The following MAN1A2 variants were observed in gnomAD, a reference collection of about 807,000 sequenced individuals.
The protein encoded by MAN1A2 is mannosidase alpha class 1A member 2, also known as mannosyl-oligosaccharide 1,2-alpha-mannosidase IB.
MAN1A2 carries 26 observed loss-of-function variants against 75.7 expected under a neutral mutation model. The ratio of observed to expected loss-of-function variants is 0.34; its 90% confidence interval spans 0.25 to 0.48. The LOEUF is 0.48. MAN1A2 is among the 20% of genes least tolerant of loss of function. The pLI, the probability that MAN1A2 is intolerant of heterozygous loss-of-function variation, is 0.99. For missense variants in MAN1A2, 562 were observed against 775.5 expected (o/e 0.72, Z 3.27); for synonymous variants, 247 against 264.6 (o/e 0.93, Z 0.65).
chr1:117,429,575 G>A (rs1284023874), intron 5 of MAN1A2, among the ~76,000 whole-genome samples: 5 of 86,280 alleles, frequency 5.8e-5, no homozygotes, highest in African/African-American at 1.4e-4. Context: ...CTGGCCGGGC[G>A]GGGGGCTGAC....
intron 9 of MAN1A2, among the ~76,000 whole-genome samples, chr1:117,496,547 C>T (rs1331767299): frequency 1.3e-5 from 2 of 151,976 alleles, no homozygotes; most frequent in Non-Finnish European, 2.9e-5. Flanking sequence ...CTCTTCCACT[C>T]TGTCTTATTA....
intron 12 of MAN1A2, 70 bp from the exon 13 acceptor site, chr1:117,522,755 T>C: frequency 7.1e-7 from 1 of 1,404,930 alleles, no homozygotes; most frequent in East Asian, 2.3e-5. Flanking sequence ...TCTGTGCCAT[T>C]AAAAGTGAGC....
At chr1:117,467,800 T>C (rs538428329) in intron 8 of MAN1A2, among the ~76,000 whole-genome samples, 1 of 152,190 alleles carries the variant, frequency 6.6e-6, no homozygotes, top group East Asian at 1.9e-4. Context: ...TTGAGAATAT[T>C]ATGATAATAT....
chr1:117,478,058 C>G (rs1650378145), intron 8 of MAN1A2, among the ~76,000 whole-genome samples: 1 of 151,930 alleles, frequency 6.6e-6, no homozygotes, highest in Non-Finnish European at 1.5e-5. Context: ...AATAAAATAC[C>G]TAGGAATCCA....
rs1308051441 is a variant in MAN1A2, at chr1:117,456,679, A to G, written c.951-3810A>G. ...CAATTCTAAATTTTTGCATATTAAA[A>G]TGTTTAAATATTTCAGACCAGATAT... On this transcript the variant is annotated intron_variant, in intron 6 of 12. Transcript: ENST00000356554. 3.3e-5 allele frequency among the ~76,000 whole-genome samples: 5 copies of G among 152,016 alleles called. No homozygotes were observed. In the East Asian group the frequency reaches 9.6e-4, roughly 29 times the overall value.
rs370540367 is a variant in MAN1A2, at chr1:117,386,824, C to T, written c.303-15362C>T. Among the ~76,000 whole-genome samples the T allele has an allele frequency of 1.1e-3, 135 of 124,258 alleles. 2 individuals carry two copies. In the South Asian group the frequency reaches 0.033, roughly 30 times the overall value. The allele number at this position is 124,258 out of a possible 152,430, so 81.5% of individuals were successfully genotyped here. On this transcript the variant is annotated intron_variant, in intron 1 of 12. Coordinates refer to ENST00000356554, the MANE Select transcript of MAN1A2 (RefSeq NM_006699.5). ...GCACACACCTATATTTCCACGTAAT[C>T]GGGAGGATCATTGAAGCAGGAGGCT...
At chr1:117,401,258 C>T (rs1460365515) in intron 1 of MAN1A2, among the ~76,000 whole-genome samples, 1 of 150,876 alleles carries the variant, frequency 6.6e-6, no homozygotes, top group East Asian at 1.9e-4. Flanking sequence ...TAAAAAAACA[C>T]AAACTTTTCC....
intron 7 of MAN1A2, 111 bp downstream of exon 7, chr1:117,460,723 G>A: frequency 1.6e-6 from 2 of 1,273,332 alleles, no homozygotes; most frequent in Non-Finnish European, 2.1e-6. Context: ...ATGTTTATTA[G>A]GGCTGTAGCC....
At chr1:117,413,725 GTAATA>G (rs1647895936) in intron 3 of MAN1A2, among the ~76,000 whole-genome samples, 1 of 151,940 alleles carries the variant, frequency 6.6e-6, no homozygotes, top group Non-Finnish European at 1.5e-5. Context: ...TGAAGACAAT[GTAATA>G]TAGTAAAGCC....
intron 1 of MAN1A2, among the ~76,000 whole-genome samples, chr1:117,372,695 ATAAAG>A (rs1390520252): frequency 2.0e-5 from 3 of 152,182 alleles, no homozygotes; most frequent in Non-Finnish European, 2.9e-5. Flanking sequence ...GCTAATATAC[ATAAAG>A]TAATATACGT....
intron 12 of MAN1A2, among the ~76,000 whole-genome samples, chr1:117,518,495 G>A (rs1290555): frequency 0.98 from 149,664 of 152,094 alleles, 73,645 homozygotes; most frequent in East Asian, 1. Flanking sequence ...GAAAGAAAGT[G>A]AAATTGATTT....
At chr1:117,368,704 C>G (rs1055458601) in intron 1 of MAN1A2, among the ~76,000 whole-genome samples, 1 of 151,956 alleles carries the variant, frequency 6.6e-6, no homozygotes, top group African/African-American at 2.4e-5. Context: ...GGAGTCCTAC[C>G]TAAGTCGTTC....
At chr1:117,435,832 C>T (rs1383808809) in intron 5 of MAN1A2, among the ~76,000 whole-genome samples, 4 of 152,084 alleles carry the variant, frequency 2.6e-5, no homozygotes, top group Admixed American at 6.5e-5. Context: ...CCGAGGCGGG[C>T]GGATCACCTG....
chr1:117,486,914 A>G (rs1650724321), intron 8 of MAN1A2, among the ~76,000 whole-genome samples: 2 of 152,184 alleles, frequency 1.3e-5, no homozygotes, highest in Admixed American at 6.6e-5. Context: ...AAAAAAGACT[A>G]TACCTAAATT....
intron 9 of MAN1A2, chr1:117,493,466 T>G (rs1650948718): frequency 7.6e-6 from 3 of 396,194 alleles, no homozygotes; most frequent in Non-Finnish European, 1.4e-5. Flanking sequence ...TGTGACATTT[T>G]TAAAGAAATT....
At chr1:117,465,127 A>G (rs1356662670) in intron 7 of MAN1A2, among the ~76,000 whole-genome samples, 4 of 152,160 alleles carry the variant, frequency 2.6e-5, no homozygotes, top group Non-Finnish European at 2.9e-5. Flanking sequence ...AAAAATAGTT[A>G]TCAACAAAAT....
At chr1:117,380,887 A>G (rs1653314018) in intron 1 of MAN1A2, among the ~76,000 whole-genome samples, 1 of 152,192 alleles carries the variant, frequency 6.6e-6, no homozygotes, top group Non-Finnish European at 1.5e-5. Context: ...TGGCTTTTCA[A>G]TTTCTGCAAA....
chr1:117,489,447 G>T (rs192405490), intron 8 of MAN1A2, among the ~76,000 whole-genome samples: 7 of 152,068 alleles, frequency 4.6e-5, no homozygotes, highest in Admixed American at 4.6e-4. Context: ...GTGAAATTGG[G>T]CATCCTTTCT....
At chr1:117,487,969 T>C (rs1650764577) in intron 8 of MAN1A2, among the ~76,000 whole-genome samples, 1 of 152,096 alleles carries the variant, frequency 6.6e-6, no homozygotes, top group Non-Finnish European at 1.5e-5. Context: ...CCTTATAAAA[T>C]TATTAATGTA....
Sources: gnomAD v4.1 joint callset for allele counts (sites outside exome capture counted in the v4.1 genomes callset) on GRCh38, gnomAD v4.1.1 for gene constraint, MANE v1.5 for transcripts, NCBI Gene and HGNC (gene_info 2026-07-23, HGNC 2026-07-21) for gene names.